The following MRTFB variants were observed in gnomAD, a reference collection of about 807,000 sequenced individuals.
MRTFB encodes myocardin related transcription factor B, also known as myocardin-related transcription factor B.
In MRTFB, 29 loss-of-function variants were observed where a neutral mutation model predicts 104.2. That is an observed-to-expected ratio of 0.28 (90% CI 0.21 to 0.38). The LOEUF (loss-of-function observed/expected upper bound fraction) is 0.38, where lower values mean the gene tolerates loss of function less well. Among genes scored for constraint, MRTFB ranks in the 10% least tolerant of loss-of-function variants. The pLI is 1.00. For missense variants in MRTFB, 1,270 were observed against 1,341.6 expected (o/e 0.95, Z 0.83); for synonymous variants, 535 against 519.5 (o/e 1.03, Z -0.41).
chr16:14,029,532 T>C, the MRTFB span, among the ~76,000 whole-genome samples: 353 of 89,772 alleles, frequency 3.9e-3, 6 homozygotes, highest in African/African-American at 0.012. Flanking sequence ...CACACACACA[T>C]ATATATATAT....
intron 3 of MRTFB, among the ~76,000 whole-genome samples, chr16:14,166,212 C>CT (rs1195479290): frequency 1.0e-3 from 101 of 97,474 alleles, no homozygotes; most frequent in African/African-American, 3.6e-3. Flanking sequence ...TGTGGGTTTT[C>CT]TTTTCTTTTT....
chr16:14,037,028 C>T, the MRTFB span, among the ~76,000 whole-genome samples: 5 of 151,582 alleles, frequency 3.3e-5, no homozygotes, highest in Non-Finnish European at 5.9e-5. Flanking sequence ...TTTTTAATTA[C>T]TATTTTTTTT....
chr16:14,033,647 G>A, the MRTFB span, among the ~76,000 whole-genome samples: 1 of 151,944 alleles, frequency 6.6e-6, no homozygotes, highest in South Asian at 2.1e-4. Flanking sequence ...AAACCAGCCT[G>A]GCCTACATGG....
chr16:14,138,786 T>G (rs566507441), intron 2 of MRTFB, among the ~76,000 whole-genome samples: 24 of 152,264 alleles, frequency 1.6e-4, no homozygotes, highest in African/African-American at 5.3e-4. Context: ...TTATGCATAC[T>G]CAGTTGAATT....
At chr16:14,045,443 A>G in the MRTFB span, among the ~76,000 whole-genome samples, 119,645 of 152,086 alleles carry the variant, frequency 0.79, 48,411 homozygotes, top group East Asian at 0.99. Context: ...AAGTGAAGAG[A>G]GAGGTGACTC....
At position 14,178,539 on chromosome 16, in the gene MRTFB, CTCAG is replaced by C. The variant is rs200888712; in HGVS notation, c.155-31699_155-31696del. Among the ~76,000 whole-genome samples the C allele has an allele frequency of 5.9e-3, 901 of 152,290 alleles. 7 individuals are homozygous for C. The highest frequency in any genetic ancestry group is 0.021 in the African/African-American group (859 of 41,546). On this transcript the variant is annotated intron_variant, in intron 3 of 16. Coordinates refer to ENST00000571589, the MANE Select transcript of MRTFB (RefSeq NM_001308142.2). Reference sequence around the variant, plus strand: ...ACTCCCAAGATAGTAAAATAGGACACTCAGTCAGATTAGGTAAACAAAGGCAAAT... The same window carrying C: ...ACTCCCAAGATAGTAAAATAGGACACTCAGATTAGGTAAACAAAGGCAAAT...
the MRTFB span, among the ~76,000 whole-genome samples, chr16:14,056,225 C>T: frequency 6.6e-6 from 1 of 152,134 alleles, no homozygotes; most frequent in Non-Finnish European, 1.5e-5. Context: ...GGGATCCCCC[C>T]ACCTCGGCTT....
At chr16:14,004,353 G>A in the MRTFB span, among the ~76,000 whole-genome samples, 240 of 152,334 alleles carry the variant, frequency 1.6e-3, no homozygotes, top group African/African-American at 5.5e-3. Flanking sequence ...AACAGATGGG[G>A]CCTCAAGGGA....
chr16:14,207,272 G>C (rs2040992175), intron 3 of MRTFB, among the ~76,000 whole-genome samples: 1 of 152,208 alleles, frequency 6.6e-6, no homozygotes. Context: ...AGTATAAGTA[G>C]GGTTGTTTGG....
intron 2 of MRTFB, among the ~76,000 whole-genome samples, chr16:14,096,726 A>G (rs980576219): frequency 5.9e-5 from 9 of 152,366 alleles, no homozygotes; most frequent in East Asian, 5.8e-4. Context: ...AGAATATGCT[A>G]TGGTACAGAA....
chr16:14,056,010 A>G, the MRTFB span, among the ~76,000 whole-genome samples: 1 of 151,584 alleles, frequency 6.6e-6, no homozygotes, highest in African/African-American at 2.4e-5. Context: ...ACAGAGTCTC[A>G]CTCTGTCACC....
intron 5 of MRTFB, 87 bp downstream of exon 5, chr16:14,212,496 C>T (rs2041236235): frequency 8.4e-7 from 1 of 1,183,716 alleles, no homozygotes; most frequent in African/African-American, 1.5e-5. Context: ...CAGTGTTACT[C>T]CTAAATATGT....
At chr16:13,995,671 G>A in the MRTFB span, among the ~76,000 whole-genome samples, 27 of 152,146 alleles carry the variant, frequency 1.8e-4, no homozygotes, top group African/African-American at 6.3e-4. Flanking sequence ...AGCATGGCTG[G>A]GGAGGCCTCA....
At chr16:14,040,553 C>A in the MRTFB span, among the ~76,000 whole-genome samples, 16 of 151,634 alleles carry the variant, frequency 1.1e-4, no homozygotes, top group Non-Finnish European at 2.2e-4. Flanking sequence ...ACCTCCGCCT[C>A]CCTGGTTCCA....
At chr16:14,186,491 A>G (rs1027884526) in intron 3 of MRTFB, among the ~76,000 whole-genome samples, 5 of 152,350 alleles carry the variant, frequency 3.3e-5, no homozygotes, top group African/African-American at 1.2e-4. Flanking sequence ...GGTATCAGCA[A>G]AGTCTTCTCT....
chr16:14,225,136 T>C (rs1441598998), intron 8 of MRTFB, among the ~76,000 whole-genome samples: 1 of 152,076 alleles, frequency 6.6e-6, no homozygotes, highest in Non-Finnish European at 1.5e-5. Flanking sequence ...TGGTGAGCCA[T>C]GATCGCGCCA....
At chr16:13,998,727 A>G in the MRTFB span, among the ~76,000 whole-genome samples, 15 of 151,394 alleles carry the variant, frequency 9.9e-5, no homozygotes, top group Non-Finnish European at 1.5e-4. Context: ...ACAGGAGAAG[A>G]AGGAGGAGGA....
chr16:14,134,884 C>T (rs1458915839), intron 2 of MRTFB, among the ~76,000 whole-genome samples: 1 of 152,278 alleles, frequency 6.6e-6, no homozygotes, highest in South Asian at 2.1e-4. Context: ...TTGGCTTTCT[C>T]ATCTATAAAA....
chr16:14,081,744 C>T (rs868752772), intron 2 of MRTFB, among the ~76,000 whole-genome samples: 11 of 151,886 alleles, frequency 7.2e-5, no homozygotes, highest in African/African-American at 2.2e-4. Context: ...CACACTCTGC[C>T]AAATTTTTTG....
Sources: gnomAD v4.1 joint callset for allele counts (sites outside exome capture counted in the v4.1 genomes callset) on GRCh38, gnomAD v4.1.1 for gene constraint, MANE v1.5 for transcripts, NCBI Gene and HGNC (gene_info 2026-07-23, HGNC 2026-07-21) for gene names.